Variants in CPQ observed in about 807,000 individuals in gnomAD.
The protein encoded by CPQ is carboxypeptidase Q, also known as Ser-Met dipeptidase.
CPQ carries 37 observed loss-of-function variants against 45.7 expected under a neutral mutation model. That is an observed-to-expected ratio of 0.81 (90% CI 0.62 to 1.07). CPQ has a LOEUF of 1.07. Among genes scored for constraint, CPQ ranks in the 50% least tolerant of loss-of-function variants. The pLI, the probability that CPQ is intolerant of heterozygous loss-of-function variation, is 0.00. For synonymous variants in CPQ, 186 were observed against 205.8 expected (o/e 0.90, Z 0.82); for missense variants, 537 against 572.9 (o/e 0.94, Z 0.64).
intron 1 of CPQ, among the ~76,000 whole-genome samples, chr8:96,663,736 C>A (rs755107188): frequency 3.3e-5 from 5 of 151,946 alleles, no homozygotes; most frequent in Non-Finnish European, 7.4e-5. Flanking sequence ...TTCTATTGAA[C>A]AAATATTGTG....
At chr8:96,730,774 C>T (rs547581726) in intron 1 of CPQ, among the ~76,000 whole-genome samples, 1 of 149,506 alleles carries the variant, frequency 6.7e-6, no homozygotes, top group South Asian at 2.1e-4. Flanking sequence ...CAGGTGTGGC[C>T]AGGGCAACGG....
At chr8:97,061,394 T>C (rs1160178180) in intron 6 of CPQ, among the ~76,000 whole-genome samples, 2 of 152,130 alleles carry the variant, frequency 1.3e-5, no homozygotes, top group East Asian at 3.9e-4. Flanking sequence ...CTACGGTCTT[T>C]GTATTTCTGA....
intron 5 of CPQ, among the ~76,000 whole-genome samples, chr8:96,972,619 C>T (rs1054431835): frequency 2.6e-5 from 4 of 152,306 alleles, no homozygotes; most frequent in East Asian, 1.9e-4. Context: ...CAAGGACCCT[C>T]GCAGAGACGA....
intron 1 of CPQ, among the ~76,000 whole-genome samples, chr8:96,654,132 A>G (rs967206616): frequency 6.6e-6 from 1 of 152,158 alleles, no homozygotes; most frequent in South Asian, 2.1e-4. Context: ...TATCCTCCTC[A>G]TCATCATAAG....
chr8:96,757,348 C>A (rs1032483217), intron 1 of CPQ, among the ~76,000 whole-genome samples: 4 of 120,252 alleles, frequency 3.3e-5, no homozygotes, highest in Non-Finnish European at 5.1e-5. Flanking sequence ...AAGACTCCAT[C>A]TCAATGATAA....
rs570199197 is a variant in CPQ, at chr8:96,684,169, G to T, written c.-35+38767G>T. Among the ~76,000 whole-genome samples the T allele has an allele frequency of 4.6e-4, 70 of 152,238 alleles. 1 individual carries two copies. The highest frequency in any genetic ancestry group is 1.6e-3 in the African/African-American group (68 of 41,548). Reference sequence around the variant, plus strand: ...TGCATCTGACATAACAATTGCTTCTGATTTTATGCATTGGCTTTCATGGAG... The same window carrying T: ...TGCATCTGACATAACAATTGCTTCTTATTTTATGCATTGGCTTTCATGGAG... On this transcript the variant is annotated intron_variant, in intron 1 of 7. Transcript: ENST00000220763.
intron 4 of CPQ, among the ~76,000 whole-genome samples, chr8:96,933,929 C>T (rs572728443): frequency 1.3e-5 from 2 of 152,258 alleles, no homozygotes; most frequent in East Asian, 1.9e-4. Flanking sequence ...CTATAAAATG[C>T]GAATAGTGCT....
intron 1 of CPQ, among the ~76,000 whole-genome samples, chr8:96,694,668 A>G (rs991232875): frequency 2.0e-5 from 3 of 152,188 alleles, no homozygotes; most frequent in African/African-American, 7.2e-5. Flanking sequence ...GTGCTCCTGA[A>G]TGACCAGTGG....
intron 5 of CPQ, among the ~76,000 whole-genome samples, chr8:96,985,038 A>G (rs770809159): frequency 1.1e-4 from 16 of 152,150 alleles, no homozygotes; most frequent in South Asian, 2.1e-4. Flanking sequence ...ACTTTGTTCC[A>G]TCTTTGAATG....
intron 2 of CPQ, among the ~76,000 whole-genome samples, chr8:96,813,773 G>A (rs910581472): frequency 6.6e-6 from 1 of 151,928 alleles, no homozygotes; most frequent in Non-Finnish European, 1.5e-5. Flanking sequence ...CAGAAAACAA[G>A]TATTATACTA....
chr8:96,884,919 TTATCTC>T (rs1812280455), intron 4 of CPQ, among the ~76,000 whole-genome samples: 1 of 152,308 alleles, frequency 6.6e-6, no homozygotes, highest in East Asian at 1.9e-4. Context: ...GCAGTGGAAA[TTATCTC>T]TATAAAAGGA....
intron 5 of CPQ, among the ~76,000 whole-genome samples, chr8:97,001,853 C>G (rs1809289002): frequency 6.7e-6 from 1 of 149,766 alleles, no homozygotes; most frequent in Non-Finnish European, 1.5e-5. Flanking sequence ...GGTACCAGCT[C>G]TTTGTACATC....
intron 1 of CPQ, among the ~76,000 whole-genome samples, chr8:96,742,279 T>G (rs374372804): frequency 6.6e-6 from 1 of 152,140 alleles, no homozygotes; most frequent in Non-Finnish European, 1.5e-5. Context: ...TCTGTTTTAT[T>G]AGAGACTAGG....
intron 6 of CPQ, among the ~76,000 whole-genome samples, chr8:97,042,363 G>A (rs1474018009): frequency 6.8e-4 from 103 of 152,038 alleles, no homozygotes; most frequent in African/African-American, 2.5e-3. Context: ...GTGTCTATTT[G>A]ATTCTTCTCT....
At chr8:96,790,598 G>A (rs1810833727) in intron 2 of CPQ, among the ~76,000 whole-genome samples, 1 of 152,092 alleles carries the variant, frequency 6.6e-6, no homozygotes, top group Non-Finnish European at 1.5e-5. Context: ...TGAGAATTGG[G>A]TGGAGAGAAA....
intron 4 of CPQ, among the ~76,000 whole-genome samples, chr8:96,953,732 A>C (rs1163797411): frequency 6.6e-6 from 1 of 152,118 alleles, no homozygotes; most frequent in Non-Finnish European, 1.5e-5. Context: ...ATCTTTAAAA[A>C]CATTTTCCCA....
chr8:96,844,480 T>TGTGAC (rs1209048433), intron 3 of CPQ, among the ~76,000 whole-genome samples: 2 of 152,246 alleles, frequency 1.3e-5, no homozygotes, highest in Non-Finnish European at 2.9e-5. Flanking sequence ...CTCTCCCATT[T>TGTGAC]AGATGCTGTG....
At chr8:96,909,811 A>G (rs1300801518) in intron 4 of CPQ, among the ~76,000 whole-genome samples, 1 of 152,224 alleles carries the variant, frequency 6.6e-6, no homozygotes, top group Non-Finnish European at 1.5e-5. Context: ...AGCTGAAGAC[A>G]TGTTTAACCC....
intron 1 of CPQ, among the ~76,000 whole-genome samples, chr8:96,776,881 T>TA (rs534887301): frequency 6.6e-6 from 1 of 152,264 alleles, no homozygotes; most frequent in African/African-American, 2.4e-5. Context: ...CATGGGTTTT[T>TA]AAAAAAATAG....
Sources: allele counts gnomAD v4.1 joint callset (sites outside exome capture counted in the v4.1 genomes callset), GRCh38; gene constraint gnomAD v4.1.1; transcripts MANE v1.5; gene names NCBI Gene and HGNC (gene_info 2026-07-23, HGNC 2026-07-21).